USP43: variants seen among roughly 807,000 people sequenced by gnomAD.
USP43 encodes the protein ubiquitin specific peptidase 43.
Under a neutral mutation model 90.7 loss-of-function variants are expected in USP43, and 33 were observed. The observed-to-expected ratio is 0.36, with a 90% CI of 0.28 to 0.49. The LOEUF is 0.49. Among genes scored for constraint, USP43 ranks in the 20% least tolerant of loss-of-function variants. The pLI is 0.98. For synonymous variants in USP43, 598 were observed against 615.8 expected, an observed-to-expected ratio of 0.97 and a Z score of 0.43; for missense variants, 1,274 against 1,476.4, an observed-to-expected ratio of 0.86 and a Z score of 2.25.
chr17:9,693,194 A>G lies in USP43; in HGVS notation c.1421A>G (p.Lys474Arg). 6.2e-7 allele frequency: 1 copy of G among 1,613,566 alleles called. No homozygotes were observed. The highest frequency in any genetic ancestry group is 8.5e-7 in the Non-Finnish European group (1 of 1,179,770). The change falls in exon 9 of 15, where the codon AAG becomes AGG. Residue 474 changes from lysine to arginine, a missense_variant. Coordinates refer to ENST00000285199, the MANE Select transcript of USP43 (RefSeq NM_153210.5). ...GTGGCCTGCAGCTATTTGTCTCCGA[A>G]GGACAGTCGGCCCCTCTGTCACTGG... is the stretch of plus-strand genomic sequence containing the variant. ...LSVACSYLSP[K>R]DSRPLCHWAV...
chr17:9,681,678 G>A (rs976332210), intron 6 of USP43, among the ~76,000 whole-genome samples: 5 of 150,718 alleles, frequency 3.3e-5, no homozygotes, highest in African/African-American at 1.2e-4. Context: ...ATTTTTAGTA[G>A]AGATGGGGTT....
chr17:9,710,858 G>C (rs1310467977), intron 13 of USP43, among the ~76,000 whole-genome samples: 1 of 151,882 alleles, frequency 6.6e-6, no homozygotes, highest in African/African-American at 2.4e-5. Context: ...AAGTGCCAAA[G>C]CTGACCCTTT....
chr17:9,683,066 T>A (rs2151977696), intron 7 of USP43, 108 bp downstream of exon 7: 1 of 1,421,494 alleles, frequency 7.0e-7, no homozygotes, highest in Non-Finnish European at 9.5e-7. Context: ...GTTAATAAAC[T>A]AGGAGCCAGA....
chr17:9,705,624 G>A (rs567165050), intron 12 of USP43, among the ~76,000 whole-genome samples: 15 of 151,810 alleles, frequency 9.9e-5, no homozygotes, highest in East Asian at 7.8e-4. Context: ...GCGTGGTGGC[G>A]TGTGCCTGTA....
intron 3 of USP43, among the ~76,000 whole-genome samples, chr17:9,673,763 T>A (rs1463000558): frequency 1.3e-5 from 2 of 152,216 alleles, no homozygotes; most frequent in Non-Finnish European, 2.9e-5. Context: ...TGCTTCAGAT[T>A]TCTCTTCTGT....
chr17:9,653,245 A>G (rs1414467993), intron 1 of USP43, among the ~76,000 whole-genome samples: 1 of 152,228 alleles, frequency 6.6e-6, no homozygotes, highest in Non-Finnish European at 1.5e-5. Flanking sequence ...TTAAAAGATC[A>G]TCATGATTAA....
rs374029852 is a variant in USP43 at position 9,726,972 on chromosome 17, CT to C, written c.2336-971del. Among the ~76,000 whole-genome samples the C allele has an allele frequency of 4.6e-4, 67 of 146,504 alleles. 1 individual carries two copies. The highest frequency in any genetic ancestry group is 1.3e-3 in the South Asian group (6 of 4,616). On this transcript the variant is annotated intron_variant, in intron 14 of 14. Transcript: ENST00000285199. Reference sequence around the variant, plus strand: ...GTGACTGATGACTGAGAATTTCTTTCTTTTTTTTTTTGGAGATGGAGTCTTG... The same window carrying C: ...GTGACTGATGACTGAGAATTTCTTTCTTTTTTTTTTGGAGATGGAGTCTTG...
chr17:9,695,944 T>C (rs1915231194), intron 9 of USP43, among the ~76,000 whole-genome samples: 1 of 152,184 alleles, frequency 6.6e-6, no homozygotes, highest in South Asian at 2.1e-4. Flanking sequence ...GTAGCACGCA[T>C]TAGAATTTCC....
chr17:9,679,728 T>C (rs1458957589), intron 5 of USP43, among the ~76,000 whole-genome samples: 1 of 152,028 alleles, frequency 6.6e-6, no homozygotes, highest in African/African-American at 2.4e-5. Context: ...GAATAGGTTA[T>C]GTGTGCTGAG....
chr17:9,651,915 G>A (rs11869744), intron 1 of USP43, among the ~76,000 whole-genome samples: 1,933 of 152,168 alleles, frequency 0.013, 38 homozygotes, highest in African/African-American at 0.045. Context: ...CAGATAGAAG[G>A]TAGAAAATCA....
intron 5 of USP43, among the ~76,000 whole-genome samples, chr17:9,677,973 T>C (rs1209714652): frequency 6.6e-6 from 1 of 152,108 alleles, no homozygotes; most frequent in Admixed American, 6.6e-5. Flanking sequence ...TATTTATGAC[T>C]CTCTCAAATA....
chr17:9,703,201 C>T (rs1340661187), intron 12 of USP43, among the ~76,000 whole-genome samples: 1 of 150,838 alleles, frequency 6.6e-6, no homozygotes, highest in African/African-American at 2.4e-5. Flanking sequence ...TTACTAAGAG[C>T]GTTATGGCTG....
chr17:9,706,059 T>C (rs1217791485), intron 12 of USP43, among the ~76,000 whole-genome samples: 4 of 152,200 alleles, frequency 2.6e-5, no homozygotes, highest in African/African-American at 9.7e-5. Context: ...GAAAATGGTA[T>C]CTCAGTGTAA....
At position 9,701,532 on chromosome 17, in the gene USP43, A is replaced by G. The variant is rs1915571152; in HGVS notation, c.1843A>G (p.Met615Val). 5 of 1,565,388 alleles carry G rather than the reference A, an allele frequency of 3.2e-6. No individual in the cohort carries two copies. The highest frequency in any genetic ancestry group is 4.3e-6 in the Non-Finnish European group (5 of 1,155,308). ...GAAGTTTCCGCTCTCTGGACTCAAC[A>G]TGGCTCCCCATGTGGCCCAGAGAAG... ...LVKFPLSGLN[M>V]APHVAQRSTS... The change falls in exon 12 of 15, where the codon ATG becomes GTG. Residue 615 changes from methionine to valine, a missense_variant. Transcript: ENST00000285199. This position sits in a 1 kb window ranked among gnomAD's most constrained non-coding sequence, Gnocchi z 7.2.
At chr17:9,664,567 G>T (rs959965122) in intron 2 of USP43, among the ~76,000 whole-genome samples, 1 of 152,080 alleles carries the variant, frequency 6.6e-6, no homozygotes, top group Non-Finnish European at 1.5e-5. Flanking sequence ...AAGACTCCAT[G>T]GGGGGAGTGA....
rs565657247 is a variant in USP43 at position 9,713,222 on chromosome 17, G to A, written c.2335+1090G>A. On this transcript the variant is annotated intron_variant, in intron 14 of 14. Transcript: ENST00000285199. ...TCCTTCCTCAGCCTCTAGAGTAGCT[G>A]GGATTACAGGCGCCTGCCACTACGC... Among the ~76,000 whole-genome samples the A allele has an allele frequency of 2.6e-5, 4 of 152,140 alleles. No individual in the cohort carries two copies. In the South Asian group the frequency reaches 8.3e-4, roughly 32 times the overall value.
chr17:9,656,388 CT>C lies in USP43; in HGVS notation c.505-9del. 6.2e-7 allele frequency: 1 copy of C among 1,608,660 alleles called. No homozygotes were observed. Among genetic ancestry groups the C allele is most frequent in the Non-Finnish European group, 8.5e-7 (1 of 1,177,598 alleles). ...GGGGCCAAATTCACCTCTCGATTTC[CT>C]TTTTTCCTTTCAGAATGCAGTTTCC... On this transcript the variant is annotated splice_polypyrimidine_tract_variant and intron_variant, in intron 1 of 14. Transcript: ENST00000285199.
At chr17:9,675,643 T>C (rs1471318028) in intron 4 of USP43, among the ~76,000 whole-genome samples, 1 of 152,160 alleles carries the variant, frequency 6.6e-6, no homozygotes, top group African/African-American at 2.4e-5. Flanking sequence ...GCCATTTCTC[T>C]TACCCTCTTC....
chr17:9,728,199 GAGA>G lies in USP43; in HGVS notation c.2584_2586del (p.Lys862del). 6.2e-7 allele frequency: 1 copy of G among 1,613,954 alleles called. No homozygotes were observed. The highest frequency in any genetic ancestry group is 8.5e-7 in the Non-Finnish European group (1 of 1,179,894). ...GTTGACGGGCACTGCGGGTGAGGAT[GAGA>G]AGTCAGCATCGCCGAGGTCCAACGT... is the stretch of plus-strand genomic sequence containing the variant. On this transcript the variant is annotated inframe_deletion, in exon 15 of 15. Coordinates refer to ENST00000285199, the MANE Select transcript of USP43 (RefSeq NM_153210.5). This position sits in a 1 kb window ranked among gnomAD's most constrained non-coding sequence, Gnocchi z 6.2.
Sources: gnomAD v4.1 joint callset for allele counts (sites outside exome capture counted in the v4.1 genomes callset) on GRCh38, gnomAD v4.1.1 for gene constraint, Gnocchi (gnomAD v3.1) non-coding constraint, MANE v1.5 for transcripts, NCBI Gene and HGNC (gene_info 2026-07-23, HGNC 2026-07-21) for gene names.